The following ZDHHC20 variants were observed in gnomAD, a reference collection of about 807,000 sequenced individuals.
ZDHHC20 encodes the protein palmitoyltransferase ZDHHC20.
ZDHHC20 carries 43 observed loss-of-function variants against 57.8 expected under a neutral mutation model. The ratio of observed to expected loss-of-function variants is 0.74; its 90% CI spans 0.58 to 0.96. The LOEUF (loss-of-function observed/expected upper bound fraction) is 0.96. Ranked by LOEUF, ZDHHC20 falls within the 40% of genes least tolerant of loss-of-function variation. ZDHHC20 has a pLI of 0.00. For missense variants in ZDHHC20, 391 were observed against 441.1 expected (o/e 0.89, Z 1.02); for synonymous variants, 157 against 153.0 (o/e 1.03, Z -0.19).
chr13:21,380,464 A>G (rs554736460), intron 11 of ZDHHC20, among the ~76,000 whole-genome samples: 1 of 151,940 alleles, frequency 6.6e-6, no homozygotes, highest in Non-Finnish European at 1.5e-5. Context: ...CTTTTCAAGA[A>G]TTATTTTCAA....
chr13:21,393,699 CAAAAAAAAAAAA>C (rs71093307), intron 7 of ZDHHC20, among the ~76,000 whole-genome samples: 154 of 63,416 alleles, frequency 2.4e-3, no homozygotes, highest in East Asian at 5.0e-3. Flanking sequence ...GCAAGTCTCA[CAAAAAAAAAAAA>C]AAAAAAAAAA....
At position 21,387,504 on chromosome 13, in the gene ZDHHC20, TTACC is replaced by T; in HGVS notation, c.854_854+3del. 1 of 1,507,542 alleles carries T rather than the reference TTACC, an allele frequency of 6.6e-7. No homozygotes were observed. The highest frequency in any genetic ancestry group is 8.9e-7 in the Non-Finnish European group (1 of 1,125,512). 93.4% of individuals were successfully genotyped at this position (1,507,542 alleles called of 1,614,324 possible). On this transcript the variant is annotated splice_donor_variant and splice_donor_region_variant and coding_sequence_variant and intron_variant, in exon 9 of 13. Transcript: ENST00000400590. LOFTEE classifies it high-confidence loss of function. ...ATCTCTGAGACCCACATTTTATAAA[TTACC>T]TTGAAAATATTGGAAGTAGCCAATA...
intron 1 of ZDHHC20, among the ~76,000 whole-genome samples, chr13:21,455,542 C>T (rs971058620): frequency 6.6e-6 from 1 of 152,144 alleles, no homozygotes; most frequent in African/African-American, 2.4e-5. Flanking sequence ...ACTTAATCTT[C>T]GCTTCTCAGC....
chr13:21,400,529 G>GA (rs1877475122), intron 6 of ZDHHC20, 36 bp from the exon 7 acceptor site: 1 of 1,522,938 alleles, frequency 6.6e-7, no homozygotes, highest in Non-Finnish European at 8.8e-7. Flanking sequence ...ATAAAAGTAA[G>GA]ACAAATCACA....
Position 21,455,021 on chromosome 13 carries a change from T to C in ZDHHC20, c.118+4033A>G, listed in dbSNP as rs371295420. ...CTGCAAGCTCCGCCTCCCAGGTTCA[T>C]GCCATTCTCCTGCCTCAGCCTCCCG... On this transcript the variant is annotated intron_variant, in intron 1 of 12. Coordinates refer to ENST00000400590, the MANE Select transcript of ZDHHC20 (RefSeq NM_001330059.2). Among the ~76,000 whole-genome samples, 6 of 152,238 alleles carry C rather than the reference T, an allele frequency of 3.9e-5. No homozygotes were observed. In the South Asian group the frequency reaches 1.2e-3, roughly 32 times the overall value.
At chr13:21,387,422 A>G in intron 9 of ZDHHC20, 86 bp downstream of exon 9, 1 of 1,042,978 alleles carries the variant, frequency 9.6e-7, no homozygotes, top group African/African-American at 1.7e-5. Context: ...ATTATATATT[A>G]TATTCTCTAA....
chr13:21,458,259 G>A (rs1885080348), intron 1 of ZDHHC20, among the ~76,000 whole-genome samples: 1 of 152,024 alleles, frequency 6.6e-6, no homozygotes, highest in Non-Finnish European at 1.5e-5. Flanking sequence ...CTTTTTTCCA[G>A]GGAATCAGAT....
At chr13:21,445,245 T>C (rs1416943395) in intron 1 of ZDHHC20, among the ~76,000 whole-genome samples, 1 of 152,138 alleles carries the variant, frequency 6.6e-6, no homozygotes, top group Non-Finnish European at 1.5e-5. Context: ...TGGACAAATG[T>C]ATAATGGAAA....
chr13:21,377,821 A>T (rs1198978493), intron 12 of ZDHHC20: 1 of 152,890 alleles, frequency 6.5e-6, no homozygotes, highest in African/African-American at 2.4e-5. Context: ...CACTAAAGAT[A>T]AGATGCCTCT....
chr13:21,395,475 C>T (rs902779671), intron 7 of ZDHHC20, among the ~76,000 whole-genome samples: 1 of 150,056 alleles, frequency 6.7e-6, no homozygotes, highest in African/African-American at 2.4e-5. Flanking sequence ...CTATATAAAC[C>T]ATATTTTCTT....
chr13:21,387,617 TG>T lies in ZDHHC20; in HGVS notation c.744del (p.Thr249ArgfsTer111). On this transcript the variant is annotated frameshift_variant, in exon 9 of 13. Transcript: ENST00000400590. LOFTEE classifies it high-confidence loss of function. ...NRTTIESFRAPTFSYGPDGNG... is the reference protein window; with the variant it reads ...NRTTIESFRAXTFSYGPDGNG... ...TTTCCATCAGGTCCGTATGAAAACG[TG>T]GGTGCGCGGAATGATTCTGTTAAAT... 1.4e-6 allele frequency: 2 copies of T among 1,478,858 alleles called. No homozygotes were observed. The highest frequency in any genetic ancestry group is 1.4e-5 in the South Asian group (1 of 70,332). 91.6% of individuals were successfully genotyped at this position (1,478,858 alleles called of 1,614,324 possible).
chr13:21,414,552 TA>T (rs1760629904), intron 3 of ZDHHC20, among the ~76,000 whole-genome samples: 1 of 146,638 alleles, frequency 6.8e-6, no homozygotes, highest in African/African-American at 2.6e-5. Context: ...TTTGTATTTT[TA>T]GTAGAGGCGA....
chr13:21,459,194 C>T lies in ZDHHC20; in HGVS notation c.-23G>A. The T allele has an allele frequency of 6.3e-7, 1 of 1,582,288 alleles. No individual in the cohort carries two copies. Among genetic ancestry groups the T allele is most frequent in the Non-Finnish European group, 8.6e-7 (1 of 1,165,144 alleles). Reference sequence around the variant, plus strand: ...CATGTTCCGCTGGCGGCTGCCGAGCCCCGCGTCCCACCGTTCTGGGGAGCG... The same window carrying T: ...CATGTTCCGCTGGCGGCTGCCGAGCTCCGCGTCCCACCGTTCTGGGGAGCG... On this transcript the variant is annotated 5_prime_UTR_variant, in exon 1 of 13. Coordinates refer to ENST00000400590, the MANE Select transcript of ZDHHC20 (RefSeq NM_001330059.2).
At chr13:21,455,672 G>GTGTA (rs1409972138) in intron 1 of ZDHHC20, among the ~76,000 whole-genome samples, 2 of 136,824 alleles carry the variant, frequency 1.5e-5, no homozygotes, top group African/African-American at 5.4e-5. Flanking sequence ...GTGTGTGTGT[G>GTGTA]TCTAATTACA....
chr13:21,395,821 T>C (rs111967402), intron 7 of ZDHHC20, among the ~76,000 whole-genome samples: 3,782 of 152,142 alleles, frequency 0.025, 144 homozygotes, highest in African/African-American at 0.082. Flanking sequence ...ATTTTCTATA[T>C]TTCTGAGGCT....
At chr13:21,418,147 C>T in intron 3 of ZDHHC20, among the ~76,000 whole-genome samples, 1 of 152,084 alleles carries the variant, frequency 6.6e-6, no homozygotes, top group Admixed American at 6.6e-5. Flanking sequence ...ATATCCCTGC[C>T]CTCACAATAT....
intron 1 of ZDHHC20, among the ~76,000 whole-genome samples, chr13:21,430,816 G>A (rs778730050): frequency 1.1e-4 from 16 of 151,858 alleles, no homozygotes; most frequent in Non-Finnish European, 1.0e-4. Context: ...TCCTCAGGTC[G>A]CAAGGTCCCT....
intron 4 of ZDHHC20, among the ~76,000 whole-genome samples, chr13:21,404,137 TCTACTGGTATATCCAGTGAAA>T (rs1294968865): frequency 6.6e-6 from 1 of 152,218 alleles, no homozygotes. Context: ...TAGTTAACCA[TCTACTGGTATATCCAGTGAAA>T]CACTATGCGG....
chr13:21,397,487 C>A lies in ZDHHC20; in HGVS notation c.594+2886G>T, dbSNP rs535527367. Among the ~76,000 whole-genome samples the A allele has an allele frequency of 1.3e-3, 191 of 152,046 alleles. 1 individual carries two copies. Among genetic ancestry groups the A allele is most frequent in the Non-Finnish European group, 2.2e-3 (147 of 67,982 alleles). On this transcript the variant is annotated intron_variant, in intron 7 of 12. Coordinates refer to ENST00000400590, the MANE Select transcript of ZDHHC20 (RefSeq NM_001330059.2). Reference sequence around the variant, plus strand: ...GACCAGCCTGGGCAACATGGTGAAACCCTGTCTCTACAAACAATACAAAAA... The same window carrying A: ...GACCAGCCTGGGCAACATGGTGAAAACCTGTCTCTACAAACAATACAAAAA...
Sources: gnomAD v4.1 joint callset for allele counts (sites outside exome capture counted in the v4.1 genomes callset) on GRCh38, gnomAD v4.1.1 for gene constraint, MANE v1.5 for transcripts, NCBI Gene and HGNC (gene_info 2026-07-23, HGNC 2026-07-21) for gene names.